Variants in ITFG2 observed in about 807,000 individuals in gnomAD.
ITFG2 encodes integrin alpha FG-GAP repeat containing 2.
Under a neutral mutation model 54.4 loss-of-function variants are expected in ITFG2, and 36 were observed. That is an observed-to-expected ratio of 0.66 (90% confidence interval 0.51 to 0.87). The LOEUF (loss-of-function observed/expected upper bound fraction) is 0.87. ITFG2 is among the 40% of genes least tolerant of loss of function. The probability of loss-of-function intolerance (pLI) is 0.00; values close to 1 mark genes in which losing one functional copy is unlikely to be tolerated. For missense variants in ITFG2, 524 were observed against 576.7 expected (o/e 0.91, Z 0.94); for synonymous variants, 211 against 225.4 (o/e 0.94, Z 0.57).
intron 2 of ITFG2, chr12:2,817,704 C>T (rs1472797935): frequency 1.9e-6 from 1 of 533,508 alleles, no homozygotes; most frequent in Non-Finnish European, 3.3e-6. Context: ...GTCTTAACCG[C>T]CTCAGGTCTT....
chr12:2,853,625 G>A (rs902451630), intron 2 of ITFG2, among the ~76,000 whole-genome samples: 7 of 150,412 alleles, frequency 4.7e-5, no homozygotes, highest in African/African-American at 1.7e-4. Context: ...TTTTTTTTCA[G>A]ATTAAAAATC....
At chr12:2,833,939 G>A (rs180891176), upstream of ITFG2, among the ~76,000 whole-genome samples, 322 of 152,294 alleles carry the variant, frequency 2.1e-3, 3 homozygotes, top group Non-Finnish European at 1.1e-3. Flanking sequence ...AAGTGGCTGC[G>A]CAGCCCCGCT....
chr12:2,839,814 G>A (rs2098036691), intron 1 of ITFG2, among the ~76,000 whole-genome samples: 1 of 152,222 alleles, frequency 6.6e-6, no homozygotes, highest in Admixed American at 6.5e-5. Flanking sequence ...CAACATGGAT[G>A]CAGTTGGAGG....
At chr12:2,816,147 C>T (rs1264562876) in intron 1 of ITFG2, among the ~76,000 whole-genome samples, 1 of 151,532 alleles carries the variant, frequency 6.6e-6, no homozygotes, top group Admixed American at 6.6e-5. Flanking sequence ...TCTCCTGCCT[C>T]AGCCTCCCGA....
downstream of ITFG2, chr12:2,826,954 T>C (rs372958207): frequency 7.6e-7 from 1 of 1,317,370 alleles, no homozygotes; most frequent in Admixed American, 3.7e-5. Flanking sequence ...TTTGCTTTTC[T>C]TGGGAGGAAG....
intron 2 of ITFG2, chr12:2,854,824 G>A (rs2098082071): frequency 7.0e-7 from 1 of 1,422,066 alleles, no homozygotes; most frequent in Admixed American, 2.5e-5. Context: ...GTTAGAAACA[G>A]GAACCTGAGA....
At chr12:2,822,498 G>A (rs1231000408) in intron 9 of ITFG2, among the ~76,000 whole-genome samples, 3 of 152,278 alleles carry the variant, frequency 2.0e-5, no homozygotes, top group African/African-American at 7.2e-5. Flanking sequence ...ACTTTATATT[G>A]CCATCAGGCA....
intron 2 of ITFG2, among the ~76,000 whole-genome samples, chr12:2,848,441 G>A (rs758389355): frequency 2.6e-5 from 4 of 152,192 alleles, no homozygotes; most frequent in Non-Finnish European, 5.9e-5. Flanking sequence ...AAAAGCTGAG[G>A]CCCAAGGCCT....
In ITFG2 at chr12:2,823,812, T is replaced by C. The variant is rs760805883; in HGVS notation, c.1109T>C (p.Val370Ala). 5 of 1,602,974 alleles carry C rather than the reference T, an allele frequency of 3.1e-6. No homozygotes were observed. The South Asian group carries it at 5.6e-5, about 18-fold the overall frequency. ...GAGGGCCGCAACAGCCCCTGCCTCG[T>C]ATATGTCACTTTCAACCAGAAGATC... ...CKEGRNSPCL[V>A]YVTFNQKIYV... is the part of the protein sequence containing the mutation. The change falls in exon 11 of 12, where the codon GTA becomes GCA. Residue 370 changes from valine (V) to alanine (A), a missense_variant. Val to Ala is a moderately conservative substitution (Grantham distance 64, BLOSUM62 0). Coordinates refer to ENST00000228799, the MANE Select transcript of ITFG2 (RefSeq NM_018463.4).
rs1487569743 is a variant in ITFG2, at chr12:2,859,263, T to C, written n.621-271T>C. On this transcript the variant is annotated intron_variant and non_coding_transcript_variant, in intron 3 of 3. Coordinates refer to the ITFG2 transcript ENST00000537710. ...CTCTGAGAAGAGCAGCTCCGGCTCA[T>C]CCACACAGGGAGGCAGTAGATGCTG... is the stretch of plus-strand genomic sequence containing the variant. 4 of 1,613,574 alleles carry C rather than the reference T, an allele frequency of 2.5e-6. No homozygotes were observed. In the South Asian group the frequency reaches 3.3e-5, roughly 13 times the overall value.
Position 2,818,238 on chromosome 12 carries a change from A to G in ITFG2, c.367A>G (p.Ile123Val), listed in dbSNP as rs1414627060. Reference protein sequence around the residue: ...EEQRPVFKQHIPANTKVMLIS... With the variant: ...EEQRPVFKQHVPANTKVMLIS... The stretch of plus-strand genomic sequence containing the variant: ...GCAGCGTCCAGTCTTCAAGCAGCAC[A>G]TCCCTGCCAACACCAAGGTCATGCT... The change falls in exon 4 of 12, where the codon ATC (isoleucine) becomes GTC (valine). Residue 123 changes from isoleucine to valine, a missense_variant. By Grantham distance (29) the Ile-to-Val change is conservative. Coordinates refer to ENST00000228799, the MANE Select transcript of ITFG2 (RefSeq NM_018463.4). 3 of 1,613,774 alleles carry G rather than the reference A, an allele frequency of 1.9e-6. No homozygotes were observed. The highest frequency in any genetic ancestry group is 2.5e-6 in the Non-Finnish European group (3 of 1,180,048).
intron 2 of ITFG2, among the ~76,000 whole-genome samples, chr12:2,852,256 G>A (rs1486749127): frequency 6.6e-6 from 1 of 152,154 alleles, no homozygotes; most frequent in African/African-American, 2.4e-5. Context: ...GGATCCTACT[G>A]TCATGGAGAT....
rs933183258 is a variant in ITFG2, at chr12:2,818,143, A to G, written c.272A>G (p.His91Arg). ...LVAVSAEGWF[H>R]LFDLTPAKVL... ...GCAGTGAGTGCTGAAGGCTGGTTTCATTTGTTTGACCTGACACCTGCCAAG... is the reference window on the plus strand; with the variant it reads ...GCAGTGAGTGCTGAAGGCTGGTTTCGTTTGTTTGACCTGACACCTGCCAAG... The change falls in exon 4 of 12, where the codon CAT becomes CGT. Residue 91 changes from histidine (H) to arginine (R), a missense_variant. Physicochemically the swap from His to Arg is conservative, Grantham distance 29 (BLOSUM62 0). Coordinates refer to ENST00000228799, the MANE Select transcript of ITFG2 (RefSeq NM_018463.4). The G allele has an allele frequency of 6.2e-7, 1 of 1,614,056 alleles. No individual in the cohort carries two copies. The highest frequency in any genetic ancestry group is 8.5e-7 in the Non-Finnish European group (1 of 1,180,024).
rs760034786 is a variant in ITFG2, at chr12:2,845,038, C to T, written n.300+4043C>T. On this transcript the variant is annotated intron_variant and non_coding_transcript_variant, in intron 2 of 3. Coordinates refer to the ITFG2 transcript ENST00000537710. This position sits in a 1 kb window ranked among gnomAD's most constrained non-coding sequence, Gnocchi z 4.2. The stretch of plus-strand genomic sequence containing the variant: ...AGTGGAGCAGCTATGTGAAGAGCCA[C>T]GGGAACCGCTACCTGTGATGGCAGG... Among the ~76,000 whole-genome samples, 38 of 152,196 alleles carry T rather than the reference C, an allele frequency of 2.5e-4. No homozygotes were observed. The highest frequency in any genetic ancestry group is 8.4e-4 in the African/African-American group (35 of 41,540).
chr12:2,819,467 C>CA (rs113131393), intron 4 of ITFG2, among the ~76,000 whole-genome samples: 257 of 123,128 alleles, frequency 2.1e-3, no homozygotes, highest in Middle Eastern at 4.4e-3. Flanking sequence ...GACTCCGTCT[C>CA]AAAAAAAAAA....
At chr12:2,830,943 A>G (rs896144124), downstream of ITFG2, 13 of 1,468,456 alleles carry the variant, frequency 8.9e-6, no homozygotes, top group Non-Finnish European at 1.2e-5. Flanking sequence ...TAGATACCCC[A>G]GGATGCTCCC....
downstream of ITFG2, chr12:2,826,170 A>G (rs2097965871): frequency 6.6e-6 from 1 of 151,960 alleles, no homozygotes; most frequent in South Asian, 2.1e-4. Context: ...AGTGAATTCA[A>G]AAAAGCCTCT....
At position 2,821,352 on chromosome 12, in the gene ITFG2, C is replaced by G. The variant is rs1224245031; in HGVS notation, c.786C>G (p.Ile262Met). 1 of 1,606,566 alleles carries G rather than the reference C, an allele frequency of 6.2e-7. No homozygotes were observed. The highest frequency in any genetic ancestry group is 1.3e-5 in the African/African-American group (1 of 74,792). The part of the protein sequence containing the change: ...KNVSTHLIGN[I>M]KQGHGTESSG... ...TCTCCACTCACCTAATTGGCAACAT[C>G]AAACAAGGTGAAAGTGTGGTGGGTG... The change falls in exon 7 of 12, where the codon ATC becomes ATG. Residue 262 changes from isoleucine (I) to methionine (M), a missense_variant. Physicochemically the swap from Ile to Met is conservative, Grantham distance 10. Transcript: ENST00000228799.
chr12:2,856,911 G>A lies in ITFG2; in HGVS notation n.301-1101G>A, dbSNP rs556005541. Reference sequence around the variant, plus strand: ...ACTATAAGGGACAGCCTGTAGCCCAGTGGGGTACAAAAAGGTAGGCGGCAG... The same window carrying A: ...ACTATAAGGGACAGCCTGTAGCCCAATGGGGTACAAAAAGGTAGGCGGCAG... On this transcript the variant is annotated intron_variant and non_coding_transcript_variant, in intron 2 of 3. Coordinates refer to the ITFG2 transcript ENST00000537710. The A allele has an allele frequency of 1.7e-4, 123 of 702,978 alleles. No homozygotes were observed. The African/African-American group carries it at 2.0e-3, about 12-fold the overall frequency. The allele number at this position is 702,978 out of a possible 1,614,324, so 43.5% of individuals were successfully genotyped here. A position where few individuals can be genotyped will look rare whatever the true frequency, so the allele number is the denominator to read the frequency against.
Sources: allele counts gnomAD v4.1 joint callset (sites outside exome capture counted in the v4.1 genomes callset), GRCh38; gene constraint gnomAD v4.1.1; non-coding constraint Gnocchi (gnomAD v3.1); transcripts MANE v1.5; gene names NCBI Gene and HGNC (gene_info 2026-07-23, HGNC 2026-07-21).